CDH13: variants seen among roughly 807,000 people sequenced by gnomAD.
CDH13 encodes the protein cadherin-13.
A neutral mutation model predicts 63.8 loss-of-function variants in CDH13; 24 were observed. The ratio of observed to expected loss-of-function variants is 0.38; its 90% CI spans 0.27 to 0.53. The LOEUF is 0.53. Among genes scored for constraint, CDH13 ranks in the 20% least tolerant of loss-of-function variants. The pLI is 0.85. For synonymous variants in CDH13, 503 were observed against 355.3 expected, an observed-to-expected ratio of 1.42 and a Z score of -4.67; for missense variants, 1,049 against 903.1, an observed-to-expected ratio of 1.16 and a Z score of -2.07.
chr16:83,458,173 G>C (rs1479515720), intron 6 of CDH13, among the ~76,000 whole-genome samples: 1 of 152,190 alleles, frequency 6.6e-6, no homozygotes, highest in Non-Finnish European at 1.5e-5. Flanking sequence ...GCCTGCTCCT[G>C]CTGGATCCAG....
At chr16:83,096,097 T>C (rs2034178977) in intron 3 of CDH13, among the ~76,000 whole-genome samples, 1 of 152,126 alleles carries the variant, frequency 6.6e-6, no homozygotes, top group Non-Finnish European at 1.5e-5. Flanking sequence ...AAGAACTCCG[T>C]ATGTGAATAA....
intron 6 of CDH13, among the ~76,000 whole-genome samples, chr16:83,471,922 C>G (rs999123474): frequency 1.3e-5 from 2 of 152,306 alleles, no homozygotes; most frequent in African/African-American, 4.8e-5. Flanking sequence ...AAATCTACTT[C>G]TATTTAGACA....
At chr16:82,681,665 C>T (rs760761785) in intron 1 of CDH13, among the ~76,000 whole-genome samples, 256 of 152,358 alleles carry the variant, frequency 1.7e-3, no homozygotes, top group Admixed American at 3.6e-3. Flanking sequence ...CATTCCCTCA[C>T]CTTTCTGCCA....
At chr16:82,722,269 G>A (rs1057295636) in intron 1 of CDH13, among the ~76,000 whole-genome samples, 2 of 152,126 alleles carry the variant, frequency 1.3e-5, no homozygotes, top group South Asian at 4.2e-4. Context: ...TGAATACAGG[G>A]GCTTGAATCT....
intron 7 of CDH13, among the ~76,000 whole-genome samples, chr16:83,598,329 C>T (rs988206630): frequency 6.6e-6 from 1 of 152,078 alleles, no homozygotes; most frequent in African/African-American, 2.4e-5. Context: ...CACATCACTG[C>T]ACTCCAGCCT....
At chr16:83,734,624 C>G (rs948122202) in intron 10 of CDH13, among the ~76,000 whole-genome samples, 1 of 151,490 alleles carries the variant, frequency 6.6e-6, no homozygotes, top group Non-Finnish European at 1.5e-5. Flanking sequence ...GGAGATATAC[C>G]TAATGCTAAA....
chr16:83,115,757 A>G (rs144045748), intron 3 of CDH13, among the ~76,000 whole-genome samples: 1 of 152,324 alleles, frequency 6.6e-6, no homozygotes, highest in African/African-American at 2.4e-5. Flanking sequence ...GTTTGCCCAG[A>G]AGTTATGAAA....
At chr16:83,272,872 T>C (rs150925880) in intron 5 of CDH13, among the ~76,000 whole-genome samples, 7 of 152,332 alleles carry the variant, frequency 4.6e-5, no homozygotes, top group Non-Finnish European at 5.9e-5. Context: ...GTGGGGATTT[T>C]AGACGTGGAT....
At chr16:83,783,103 C>T (rs1915641001) in intron 12 of CDH13, 151 bp from the exon 13 acceptor site, 1 of 639,724 alleles carries the variant, frequency 1.6e-6, no homozygotes, top group Non-Finnish European at 2.8e-6. Context: ...CTGGTATTTT[C>T]ACTTGATGTT....
intron 6 of CDH13, among the ~76,000 whole-genome samples, chr16:83,466,077 C>T (rs1192458841): frequency 1.3e-5 from 2 of 152,196 alleles, no homozygotes; most frequent in Non-Finnish European, 2.9e-5. Flanking sequence ...CAGGACCACC[C>T]CCCGCAACCC....
intron 1 of CDH13, among the ~76,000 whole-genome samples, chr16:82,742,170 C>G (rs2033961053): frequency 6.6e-6 from 1 of 152,064 alleles, no homozygotes; most frequent in Admixed American, 6.5e-5. Flanking sequence ...ATTAAGAGCA[C>G]AAGAAATGAG....
chr16:82,785,500 G>T (rs2035961277), intron 1 of CDH13, among the ~76,000 whole-genome samples: 1 of 152,200 alleles, frequency 6.6e-6, no homozygotes, highest in African/African-American at 2.4e-5. Context: ...GCAGCAGGCA[G>T]TTCTAATGCC....
At chr16:82,896,167 C>T (rs1411497239) in intron 2 of CDH13, among the ~76,000 whole-genome samples, 2 of 151,616 alleles carry the variant, frequency 1.3e-5, no homozygotes, top group African/African-American at 4.9e-5. Context: ...TCATGGTGAG[C>T]AATAGCCTTA....
intron 2 of CDH13, among the ~76,000 whole-genome samples, chr16:83,002,337 G>T (rs992041253): frequency 6.6e-6 from 1 of 152,156 alleles, no homozygotes; most frequent in African/African-American, 2.4e-5. Context: ...GAGTGATGTG[G>T]CCTCAAGCCA....
chr16:82,856,410 GAA>G, intron 1 of CDH13, among the ~76,000 whole-genome samples: 1 of 107,932 alleles, frequency 9.3e-6, no homozygotes, highest in South Asian at 3.0e-4. Context: ...GAAAAGAAAA[GAA>G]AAATACTAGC....
intron 1 of CDH13, among the ~76,000 whole-genome samples, chr16:82,760,255 C>G (rs2034782120): frequency 6.6e-6 from 1 of 152,100 alleles, no homozygotes. Flanking sequence ...GAACATAGTA[C>G]CGCCCCCGCA....
chr16:83,083,040 A>G (rs1427572467), intron 3 of CDH13, among the ~76,000 whole-genome samples: 1 of 152,244 alleles, frequency 6.6e-6, no homozygotes, highest in African/African-American at 2.4e-5. Context: ...TAACTTGATC[A>G]TGAATCAGAA....
In CDH13 at chr16:83,496,097, C is replaced by T. The variant is rs544772669; in HGVS notation, c.960+9442C>T. Among the ~76,000 whole-genome samples the T allele has an allele frequency of 4.6e-5, 7 of 151,930 alleles. No homozygotes were observed. In the South Asian group the frequency reaches 1.0e-3, roughly 23 times the overall value. On this transcript the variant is annotated intron_variant, in intron 7 of 13. Coordinates refer to ENST00000567109, the MANE Select transcript of CDH13 (RefSeq NM_001257.5). ...TGGCCATACTGCCCAAGGTAATTTA[C>T]AGATTCAGTGCCATCCCCATCAAGC...
At chr16:83,780,477 C>T (rs1194610074) in intron 12 of CDH13, among the ~76,000 whole-genome samples, 1 of 152,194 alleles carries the variant, frequency 6.6e-6, no homozygotes, top group African/African-American at 2.4e-5. Flanking sequence ...AACCTGTCTG[C>T]TACATACACT....
Sources: allele counts gnomAD v4.1 joint callset (sites outside exome capture counted in the v4.1 genomes callset), GRCh38; gene constraint gnomAD v4.1.1; transcripts MANE v1.5; gene names NCBI Gene and HGNC (gene_info 2026-07-23, HGNC 2026-07-21).